The following TTC29 variants were observed in gnomAD, a reference collection of about 807,000 sequenced individuals.
TTC29 encodes the protein tetratricopeptide repeat protein 29.
Under a neutral mutation model 58.1 loss-of-function variants are expected in TTC29, and 49 were observed. The observed-to-expected ratio is 0.84, with a 90% CI of 0.67 to 1.07. TTC29 has a LOEUF of 1.07. Ranked by LOEUF, TTC29 falls within the 50% of genes least tolerant of loss-of-function variation. The pLI is 0.00. For synonymous variants in TTC29, 209 were observed against 196.8 expected (o/e 1.06, Z -0.52); for missense variants, 582 against 555.6 (o/e 1.05, Z -0.48).
chr4:146,792,988 T>G (rs958658273), intron 11 of TTC29, among the ~76,000 whole-genome samples: 2 of 152,148 alleles, frequency 1.3e-5, no homozygotes, highest in African/African-American at 2.4e-5. Context: ...AGCCTGAATA[T>G]CTGAGTGAAT....
Position 146,858,861 on chromosome 4 carries a change from T to C in TTC29, c.885+8637A>G, listed in dbSNP as rs1269770765. Among the ~76,000 whole-genome samples the C allele has an allele frequency of 3.9e-5, 6 of 152,120 alleles. No homozygotes were observed. The East Asian group carries it at 9.6e-4, about 24-fold the overall frequency. ...ATCTGGGATTCCATGCTTGATTAGT[T>C]TGATTTTAGAGCCCATCAATTAATG... On this transcript the variant is annotated intron_variant, in intron 8 of 12. Transcript: ENST00000325106.
intron 11 of TTC29, among the ~76,000 whole-genome samples, chr4:146,758,002 C>T (rs1746586124): frequency 6.6e-6 from 1 of 151,884 alleles, no homozygotes; most frequent in African/African-American, 2.4e-5. Context: ...TCAATATTAA[C>T]ATTGACTGTA....
chr4:146,739,561 C>A (rs1200366435), intron 11 of TTC29, among the ~76,000 whole-genome samples: 1 of 152,168 alleles, frequency 6.6e-6, no homozygotes, highest in Non-Finnish European at 1.5e-5. Flanking sequence ...TAGCACAGGG[C>A]TTTTCATAGA....
intron 4 of TTC29, among the ~76,000 whole-genome samples, chr4:146,924,923 A>T (rs1348098701): frequency 6.6e-6 from 1 of 151,860 alleles, no homozygotes; most frequent in African/African-American, 2.4e-5. Flanking sequence ...TTTTTCATTC[A>T]GTTAAAATAT....
At chr4:146,889,969 C>T (rs1219439529) in intron 6 of TTC29, among the ~76,000 whole-genome samples, 3 of 151,836 alleles carry the variant, frequency 2.0e-5, no homozygotes, top group Non-Finnish European at 2.9e-5. Flanking sequence ...AATGAAGAAA[C>T]ATTAAATTTC....
intron 4 of TTC29, among the ~76,000 whole-genome samples, chr4:146,929,609 T>A (rs529030551): frequency 6.6e-6 from 1 of 152,326 alleles, no homozygotes; most frequent in East Asian, 1.9e-4. Flanking sequence ...ATATGTAGGC[T>A]ATTTTTCTGG....
At chr4:146,919,917 T>C (rs1265031710) in intron 4 of TTC29, among the ~76,000 whole-genome samples, 2 of 151,146 alleles carry the variant, frequency 1.3e-5, no homozygotes, top group Non-Finnish European at 3.0e-5. Flanking sequence ...CATTTTTTTT[T>C]ACTAAAGTAT....
At chr4:146,894,057 T>C (rs1469046039) in intron 6 of TTC29, among the ~76,000 whole-genome samples, 3 of 152,178 alleles carry the variant, frequency 2.0e-5, no homozygotes, top group South Asian at 4.2e-4. Flanking sequence ...TGTGGAGAAA[T>C]AGGAACACTT....
At chr4:146,844,602 A>T (rs1025181961) in intron 8 of TTC29, among the ~76,000 whole-genome samples, 4 of 151,780 alleles carry the variant, frequency 2.6e-5, no homozygotes, top group African/African-American at 9.7e-5. Context: ...GCTGGTCTTG[A>T]ACTCCTGGGC....
intron 6 of TTC29, among the ~76,000 whole-genome samples, chr4:146,877,447 A>C (rs1241113424): frequency 6.6e-6 from 1 of 152,082 alleles, no homozygotes; most frequent in Non-Finnish European, 1.5e-5. Flanking sequence ...ATCTATCTTT[A>C]CTTTTAGCTG....
chr4:146,732,867 G>A (rs559023899), intron 11 of TTC29, among the ~76,000 whole-genome samples: 12 of 152,186 alleles, frequency 7.9e-5, no homozygotes, highest in Non-Finnish European at 1.6e-4. Context: ...CCAGCAAGAA[G>A]TGGCAATAAA....
intron 10 of TTC29, among the ~76,000 whole-genome samples, chr4:146,817,319 A>T (rs1751481432): frequency 6.6e-6 from 1 of 152,162 alleles, no homozygotes. Flanking sequence ...TCATGAATGA[A>T]CTCCCATTCA....
At chr4:146,806,582 T>A (rs1403767961) in intron 10 of TTC29, among the ~76,000 whole-genome samples, 1 of 150,922 alleles carries the variant, frequency 6.6e-6, no homozygotes, top group African/African-American at 2.4e-5. Context: ...GAGGTTGCAA[T>A]CCTAGTCTCT....
chr4:146,788,124 A>G (rs2150098205), intron 11 of TTC29, among the ~76,000 whole-genome samples: 1 of 152,368 alleles, frequency 6.6e-6, no homozygotes, highest in Middle Eastern at 3.4e-3. Flanking sequence ...AGGACTGCAC[A>G]GCCTTTCACC....
chr4:146,826,032 C>T (rs897996844), intron 9 of TTC29, among the ~76,000 whole-genome samples: 4 of 151,938 alleles, frequency 2.6e-5, no homozygotes, highest in Non-Finnish European at 5.9e-5. Context: ...CTCTTGAATA[C>T]AGCACACCAA....
chr4:146,826,304 G>A (rs574403821), intron 9 of TTC29, among the ~76,000 whole-genome samples: 4 of 152,134 alleles, frequency 2.6e-5, no homozygotes, highest in African/African-American at 9.7e-5. Context: ...GAAAGGCCTG[G>A]TGGTAACAAA....
intron 11 of TTC29, among the ~76,000 whole-genome samples, chr4:146,775,530 C>G (rs1343119307): frequency 1.3e-5 from 2 of 149,800 alleles, no homozygotes; most frequent in Admixed American, 6.7e-5. Context: ...ATATGAAATT[C>G]TTGGTTGAAA....
intron 11 of TTC29, among the ~76,000 whole-genome samples, chr4:146,777,210 G>A (rs1748171409): frequency 6.6e-6 from 1 of 152,126 alleles, no homozygotes; most frequent in South Asian, 2.1e-4. Flanking sequence ...CACAAGTAAT[G>A]GGAAAAACCG....
At chr4:146,707,253 T>C in intron 12 of TTC29, 65 bp from the exon 13 acceptor site, 5 of 1,145,848 alleles carry the variant, frequency 4.4e-6, no homozygotes, top group East Asian at 2.7e-5. Context: ...ACATTTGTTT[T>C]GAAAAATAAT....
Sources: gnomAD v4.1 joint callset for allele counts (sites outside exome capture counted in the v4.1 genomes callset) on GRCh38, gnomAD v4.1.1 for gene constraint, MANE v1.5 for transcripts, NCBI Gene and HGNC (gene_info 2026-07-23, HGNC 2026-07-21) for gene names.